The following MCEE variants were observed in gnomAD, a reference collection of about 807,000 sequenced individuals.
MCEE encodes methylmalonyl-CoA epimerase, mitochondrial.
MCEE carries 6 observed loss-of-function variants against 12.9 expected under a neutral mutation model. The observed-to-expected ratio is 0.47, with a 90% CI of 0.26 to 0.92. MCEE has a LOEUF of 0.92. Ranked by LOEUF, MCEE falls within the 40% of genes least tolerant of loss-of-function variation. MCEE has a pLI of 0.16. For synonymous variants in MCEE, 78 were observed against 77.9 expected (o/e 1.00, Z -0.01); for missense variants, 214 against 212.1 (o/e 1.01, Z -0.05).
chr2:71,120,967 G>A (rs1572889744), intron 2 of MCEE, among the ~76,000 whole-genome samples: 1 of 152,250 alleles, frequency 6.6e-6, no homozygotes, highest in Admixed American at 6.5e-5. Flanking sequence ...AAACTCCTGA[G>A]CTCAGGCAAT....
At chr2:71,115,440 ACTATTT>A (rs1176542761) in intron 2 of MCEE, among the ~76,000 whole-genome samples, 1 of 151,170 alleles carries the variant, frequency 6.6e-6, no homozygotes, top group Non-Finnish European at 1.5e-5. Flanking sequence ...TACTTCTGTT[ACTATTT>A]CTATCACTAA....
chr2:71,115,017 T>C (rs991512740), intron 2 of MCEE, among the ~76,000 whole-genome samples: 1 of 152,214 alleles, frequency 6.6e-6, no homozygotes, highest in African/African-American at 2.4e-5. Context: ...CAAGTATCTA[T>C]AATTTTGACA....
chr2:71,125,742 A>G (rs184383628), intron 1 of MCEE, among the ~76,000 whole-genome samples: 1 of 152,298 alleles, frequency 6.6e-6, no homozygotes, highest in East Asian at 1.9e-4. Context: ...GCAAACAGTC[A>G]TTGCATGTCA....
chr2:71,117,686 T>G (rs1429157983), intron 2 of MCEE: 1 of 150,378 alleles, frequency 6.6e-6, no homozygotes, highest in Non-Finnish European at 1.5e-5. Flanking sequence ...CTCTACCTTT[T>G]GTCTTAGTTT....
At chr2:71,130,081 G>T in intron 1 of MCEE, 99 bp downstream of exon 1, 1 of 1,245,488 alleles carries the variant, frequency 8.0e-7, no homozygotes, top group Non-Finnish European at 1.2e-6. Context: ...GAGGACATTA[G>T]ATCAAGGTGC....
In MCEE at chr2:71,109,887, G is replaced by T; in HGVS notation, c.*83C>A. The T allele has an allele frequency of 7.3e-7, 1 of 1,365,382 alleles. No homozygotes were observed. The highest frequency in any genetic ancestry group is 1.0e-6 in the Non-Finnish European group (1 of 966,704). 84.6% of individuals were successfully genotyped at this position (1,365,382 alleles called of 1,614,324 possible). A position where few individuals can be genotyped will look rare whatever the true frequency, so the allele number is the denominator to read the frequency against. ...TGAACTTTTACATGATGGAAGCAGT[G>T]AAGGACTCAATGTCATAGTACATTT... On this transcript the variant is annotated 3_prime_UTR_variant, in exon 3 of 3. Transcript: ENST00000244217.
intron 1 of MCEE, among the ~76,000 whole-genome samples, chr2:71,128,180 C>T (rs1425513003): frequency 6.6e-6 from 1 of 152,192 alleles, no homozygotes; most frequent in East Asian, 1.9e-4. Context: ...TAAACCTATG[C>T]AGTCATGTAA....
At chr2:71,122,369 G>A (rs6740969) in intron 2 of MCEE, among the ~76,000 whole-genome samples, 132,287 of 152,236 alleles carry the variant, frequency 0.87, 57,647 homozygotes, top group East Asian at 1. Flanking sequence ...TCCTGGGCTC[G>A]AGCAATCTGC....
At chr2:71,125,211 A>ATTTTTT (rs1243506608) in intron 1 of MCEE, among the ~76,000 whole-genome samples, 23 of 48,598 alleles carry the variant, frequency 4.7e-4, no homozygotes, top group African/African-American at 7.2e-4. Flanking sequence ...ATATATATAT[A>ATTTTTT]TTTTTTTTTT....
At chr2:71,121,106 C>CTT (rs761070625) in intron 2 of MCEE, among the ~76,000 whole-genome samples, 2 of 152,170 alleles carry the variant, frequency 1.3e-5, no homozygotes, top group Non-Finnish European at 1.5e-5. Flanking sequence ...CCTTTTCCTC[C>CTT]TTTTAATTAC....
chr2:71,130,073 G>A, intron 1 of MCEE, 107 bp downstream of exon 1: 11 of 1,139,234 alleles, frequency 9.7e-6, no homozygotes, highest in Middle Eastern at 1.9e-4. Context: ...CCCCGGGGGA[G>A]GACATTAGAT....
rs537646380 is a variant in MCEE, at chr2:71,124,119, G to A, written c.378+87C>T. On this transcript the variant is annotated intron_variant, in intron 2 of 2. Transcript: ENST00000244217. ...AAAGAACTTTACAAAAGTTTCTAAT[G>A]ACAGTGACCATAAATAGACTTAAAA... The A allele has an allele frequency of 9.6e-4, 947 of 985,776 alleles. 4 individuals are homozygous for A. The highest frequency in any genetic ancestry group is 5.6e-3 in the Admixed American group (257 of 46,134). 61.1% of individuals were successfully genotyped at this position (985,776 alleles called of 1,614,324 possible).
rs1672849243 is a variant in MCEE at position 71,109,842 on chromosome 2, T to C, written c.*128A>G. 1.5e-5 allele frequency: 11 copies of C among 732,308 alleles called. No homozygotes were observed. The Admixed American group carries it at 2.7e-4, about 18-fold the overall frequency. 45.4% of individuals were successfully genotyped at this position (732,308 alleles called of 1,614,324 possible). ...ATATATGTATATATTTTAATCTTTC[T>C]GTAATTCAGTCTTTAACTGTGAACT... is the stretch of plus-strand genomic sequence containing the variant. On this transcript the variant is annotated 3_prime_UTR_variant, in exon 3 of 3. Coordinates refer to ENST00000244217, the MANE Select transcript of MCEE (RefSeq NM_032601.4).
chr2:71,125,238 T>C (rs916871626), intron 1 of MCEE, among the ~76,000 whole-genome samples: 6 of 122,114 alleles, frequency 4.9e-5, no homozygotes, highest in Admixed American at 4.6e-4. Context: ...AGACGGAGTC[T>C]CACTATTTCG....
At chr2:71,110,207 G>C (rs1672860514) in intron 2 of MCEE, 85 bp from the exon 3 acceptor site, 2 of 1,179,528 alleles carry the variant, frequency 1.7e-6, no homozygotes, top group Admixed American at 3.7e-5. Context: ...AAAACTTTGA[G>C]AGCTCATGCA....
Position 71,110,137 on chromosome 2 carries a change from A to G in MCEE, c.379-15T>C. On this transcript the variant is annotated splice_polypyrimidine_tract_variant and intron_variant, in intron 2 of 2. Transcript: ENST00000244217. Reference sequence around the variant, plus strand: ...ATATTATCCACCTTAAGAAAGGGAAATAAATTGAACACATTTGAGATCATA... The same window carrying G: ...ATATTATCCACCTTAAGAAAGGGAAGTAAATTGAACACATTTGAGATCATA... The G allele has an allele frequency of 1.2e-6, 2 of 1,609,732 alleles. No homozygotes were observed. The highest frequency in any genetic ancestry group is 1.7e-6 in the Non-Finnish European group (2 of 1,176,506).
chr2:71,125,787 C>T (rs1673218435), intron 1 of MCEE, among the ~76,000 whole-genome samples: 1 of 152,134 alleles, frequency 6.6e-6, no homozygotes, highest in Non-Finnish European at 1.5e-5. Flanking sequence ...TACTGTGCAC[C>T]TACTGTCTGG....
chr2:71,125,724 T>A (rs1673216538), intron 1 of MCEE, among the ~76,000 whole-genome samples: 1 of 152,164 alleles, frequency 6.6e-6, no homozygotes, highest in African/African-American at 2.4e-5. Context: ...CTGCATTCCA[T>A]TCATTTAGCA....
chr2:71,118,487 G>C (rs1444201060), intron 2 of MCEE: 2 of 150,216 alleles, frequency 1.3e-5, no homozygotes, highest in Non-Finnish European at 2.9e-5. Context: ...AAACTAGGTG[G>C]CTCAGAAAAA....
Sources: allele counts gnomAD v4.1 joint callset (sites outside exome capture counted in the v4.1 genomes callset), GRCh38; gene constraint gnomAD v4.1.1; transcripts MANE v1.5; gene names NCBI Gene and HGNC (gene_info 2026-07-23, HGNC 2026-07-21).